The following AK8 variants were observed in gnomAD, a reference collection of about 807,000 sequenced individuals.
AK8 encodes the protein adenylate kinase 8, also known as ATP-AMP transphosphorylase 8.
A neutral mutation model predicts 54.6 loss-of-function variants in AK8; 44 were observed. The ratio of observed to expected loss-of-function variants is 0.81; its 90% CI spans 0.63 to 1.04. The LOEUF is 1.04. Ranked by LOEUF, AK8 falls within the 50% of genes least tolerant of loss-of-function variation. The probability of loss-of-function intolerance (pLI) is 0.00; values close to 1 mark genes in which losing one functional copy is unlikely to be tolerated. For synonymous variants in AK8, 239 were observed against 245.6 expected (o/e 0.97, Z 0.25); for missense variants, 555 against 613.6 (o/e 0.90, Z 1.01).
intron 5 of AK8, among the ~76,000 whole-genome samples, chr9:132,831,437 G>GTT: frequency 6.6e-6 from 1 of 152,138 alleles, no homozygotes; most frequent in East Asian, 1.9e-4. Context: ...TGAGTCTAGA[G>GTT]TTACACACAC....
At chr9:132,812,091 T>C (rs1406529542) in intron 10 of AK8, among the ~76,000 whole-genome samples, 2 of 152,144 alleles carry the variant, frequency 1.3e-5, no homozygotes, top group Admixed American at 6.5e-5. Context: ...ATACATTAGG[T>C]TAATTTGGTA....
At chr9:132,859,730 A>G (rs1365179071) in intron 4 of AK8, among the ~76,000 whole-genome samples, 1 of 151,736 alleles carries the variant, frequency 6.6e-6, no homozygotes, top group Non-Finnish European at 1.5e-5. Flanking sequence ...CTGTGGGCTT[A>G]GAGACAGGGC....
intron 5 of AK8, among the ~76,000 whole-genome samples, chr9:132,849,150 C>T (rs111576913): frequency 4.6e-5 from 7 of 152,204 alleles, no homozygotes; most frequent in African/African-American, 1.7e-4. Flanking sequence ...TCTCATGATC[C>T]GCCTGTCTCA....
rs149206709 is a variant in AK8 at position 132,761,185 on chromosome 9, G to C, written c.1121+31449C>G. ...ATCTGGGCCTAGTGTTTAAGGGAGG[G>C]GAACAATTCATTTTTATTATTCAAT... On this transcript the variant is annotated intron_variant, in intron 11 of 12. Coordinates refer to ENST00000298545, the MANE Select transcript of AK8 (RefSeq NM_152572.3). 6.0e-3 allele frequency among the ~76,000 whole-genome samples: 918 copies of C among 152,088 alleles called. 8 individuals carry two copies. Among genetic ancestry groups the C allele is most frequent in the African/African-American group, 0.021 (876 of 41,492 alleles).
intron 11 of AK8, among the ~76,000 whole-genome samples, chr9:132,733,549 A>C (rs1402031294): frequency 6.6e-6 from 1 of 152,268 alleles, no homozygotes; most frequent in African/African-American, 2.4e-5. Flanking sequence ...GATGTGACGC[A>C]CAAGGACACC....
chr9:132,845,149 A>G (rs1481446315), intron 5 of AK8, among the ~76,000 whole-genome samples: 1 of 152,214 alleles, frequency 6.6e-6, no homozygotes, highest in Non-Finnish European at 1.5e-5. Flanking sequence ...TGCAAGGTGC[A>G]CCTGCAATGT....
rs1051003003 is a variant in AK8 at position 132,839,966 on chromosome 9, C to T, written c.403-11240G>A. Among the ~76,000 whole-genome samples, 16 of 152,042 alleles carry T rather than the reference C, an allele frequency of 1.1e-4. 1 individual carries two copies. Among genetic ancestry groups the T allele is most frequent in the Admixed American group, 9.8e-4 (15 of 15,258 alleles). On this transcript the variant is annotated intron_variant, in intron 5 of 12. Transcript: ENST00000298545. ...CTGAGTAGCTGGGACTACAGGCACC[C>T]GCCACCATGCCCACCTAATTTTTGT...
intron 4 of AK8, chr9:132,861,306 C>T (rs1843378964): frequency 6.6e-6 from 1 of 152,184 alleles, no homozygotes; most frequent in Non-Finnish European, 1.5e-5. Context: ...CAGCCTGTAC[C>T]CCCTTCCCAG....
At chr9:132,808,949 G>A (rs1046710648) in intron 10 of AK8, among the ~76,000 whole-genome samples, 3 of 152,164 alleles carry the variant, frequency 2.0e-5, no homozygotes, top group African/African-American at 7.2e-5. Flanking sequence ...GGTGGGGATG[G>A]GCTTTCTGCA....
At chr9:132,732,258 A>G (rs1836879896) in intron 11 of AK8, among the ~76,000 whole-genome samples, 1 of 152,098 alleles carries the variant, frequency 6.6e-6, no homozygotes, top group African/African-American at 2.4e-5. Flanking sequence ...CAGCATTGTG[A>G]TTTTCAGAAT....
intron 7 of AK8, chr9:132,827,423 AG>A (rs1841917991): frequency 7.3e-6 from 2 of 273,408 alleles, no homozygotes; most frequent in South Asian, 5.5e-5. Flanking sequence ...ACTGAGTCTC[AG>A]GTATCCCATG....
chr9:132,827,933 G>T, intron 7 of AK8, 80 bp downstream of exon 7: 1 of 1,426,238 alleles, frequency 7.0e-7, no homozygotes, highest in Non-Finnish European at 9.6e-7. Context: ...AGAATGCGAG[G>T]TCAGGAAATG....
chr9:132,867,511 T>A (rs1347348359), intron 2 of AK8, among the ~76,000 whole-genome samples: 1 of 152,262 alleles, frequency 6.6e-6, no homozygotes, highest in Non-Finnish European at 1.5e-5. Context: ...TTGATTTTAG[T>A]CCTGGCTGGT....
At chr9:132,768,298 G>C (rs551025808) in intron 11 of AK8, among the ~76,000 whole-genome samples, 1 of 146,376 alleles carries the variant, frequency 6.8e-6, no homozygotes, top group Non-Finnish European at 1.5e-5. Flanking sequence ...ACGGAGTTTC[G>C]CTCTTGTTGC....
At chr9:132,788,865 C>T (rs1016117481) in intron 11 of AK8, among the ~76,000 whole-genome samples, 11 of 152,020 alleles carry the variant, frequency 7.2e-5, no homozygotes, top group Non-Finnish European at 1.5e-4. Context: ...TAACAAAGCA[C>T]AAGAATGTGG....
At chr9:132,842,492 T>C (rs1449754456) in intron 5 of AK8, among the ~76,000 whole-genome samples, 3 of 152,082 alleles carry the variant, frequency 2.0e-5, no homozygotes, top group Non-Finnish European at 4.4e-5. Flanking sequence ...CGGCCTCATC[T>C]GGGGCTGGGC....
At chr9:132,855,019 C>T (rs762827929) in intron 4 of AK8, 94 bp from the exon 5 acceptor site, 14 of 1,343,066 alleles carry the variant, frequency 1.0e-5, no homozygotes, top group Non-Finnish European at 7.4e-6. Context: ...ACGCCCTGGC[C>T]TCTGGAAAGC....
intron 11 of AK8, among the ~76,000 whole-genome samples, chr9:132,740,562 T>A (rs990572049): frequency 2.6e-5 from 4 of 151,738 alleles, no homozygotes; most frequent in Admixed American, 6.6e-5. Context: ...TCTAGGGAGG[T>A]GAGAGGGAAG....
chr9:132,730,951 G>C (rs1434444957), intron 11 of AK8, among the ~76,000 whole-genome samples: 2 of 152,182 alleles, frequency 1.3e-5, no homozygotes. Flanking sequence ...TCCTTGGCTT[G>C]TAGACGCCTT....
Sources: allele counts gnomAD v4.1 joint callset (sites outside exome capture counted in the v4.1 genomes callset), GRCh38; gene constraint gnomAD v4.1.1; transcripts MANE v1.5; gene names NCBI Gene and HGNC (gene_info 2026-07-23, HGNC 2026-07-21).